The following IRAK2 variants were observed in gnomAD, a reference collection of about 807,000 sequenced individuals.
IRAK2 encodes interleukin 1 receptor associated kinase 2.
A neutral mutation model predicts 72.0 loss-of-function variants in IRAK2; 57 were observed. The observed-to-expected ratio is 0.79, with a 90% CI of 0.64 to 0.99. The LOEUF (loss-of-function observed/expected upper bound fraction) is 0.99, where lower values mean the gene tolerates loss of function less well. IRAK2 is among the 50% of genes least tolerant of loss of function. The probability of loss-of-function intolerance (pLI) is 0.00; values close to 1 mark genes in which losing one functional copy is unlikely to be tolerated. For synonymous variants in IRAK2, 293 were observed against 312.7 expected, an observed-to-expected ratio of 0.94 and a Z score of 0.67; for missense variants, 790 against 794.4, an observed-to-expected ratio of 0.99 and a Z score of 0.07.
At chr3:10,185,480 C>A (rs1255289518) in intron 2 of IRAK2, among the ~76,000 whole-genome samples, 1 of 147,208 alleles carries the variant, frequency 6.8e-6, no homozygotes, top group Non-Finnish European at 1.5e-5. Context: ...ATCGCTTGAA[C>A]CTGGGAAGCA....
intron 3 of IRAK2, among the ~76,000 whole-genome samples, chr3:10,202,533 G>C (rs1046961722): frequency 1.3e-5 from 2 of 152,214 alleles, no homozygotes; most frequent in African/African-American, 4.8e-5. Flanking sequence ...TGAGGCAGGA[G>C]AATCACTCAA....
At chr3:10,239,677 A>C (rs991197709) in intron 12 of IRAK2, among the ~76,000 whole-genome samples, 1 of 151,702 alleles carries the variant, frequency 6.6e-6, no homozygotes, top group East Asian at 1.9e-4. Context: ...CAGTGAGCCA[A>C]GATTGTGCCA....
chr3:10,241,736 A>C (rs1342618842), intron 12 of IRAK2, among the ~76,000 whole-genome samples: 1 of 148,046 alleles, frequency 6.8e-6, no homozygotes, highest in Non-Finnish European at 1.5e-5. Flanking sequence ...CCCCTTCTCT[A>C]CTAAAACACA....
At position 10,213,285 on chromosome 3, in the gene IRAK2, G is replaced by T; in HGVS notation, c.607G>T (p.Val203Leu). 1.2e-6 allele frequency: 2 copies of T among 1,614,128 alleles called. No homozygotes were observed. Among genetic ancestry groups the T allele is most frequent in the Non-Finnish European group, 1.7e-6 (2 of 1,180,008 alleles). Reference protein sequence around the residue: ...GDSLFWSEADVVQATDDFNQN... With the variant: ...GDSLFWSEADLVQATDDFNQN... ...CAGCCTTTTCTGGAGTGAGGCAGAC[G>T]TGGTCCAGGCAACCGATGACTTCAA... The change falls in exon 5 of 13, where the codon GTG (valine) becomes TTG (leucine). Residue 203 changes from valine to leucine, a missense_variant. Transcript: ENST00000256458.
intron 9 of IRAK2, 152 bp from the exon 10 acceptor site, chr3:10,226,219 T>A: frequency 1.8e-6 from 1 of 565,662 alleles, no homozygotes. Context: ...TGTTTAGTGA[T>A]ATTCCCATGT....
intron 9 of IRAK2, among the ~76,000 whole-genome samples, chr3:10,225,900 T>C (rs1422032089): frequency 6.6e-6 from 1 of 152,012 alleles, no homozygotes; most frequent in Non-Finnish European, 1.5e-5. Context: ...GGGGTTTCGC[T>C]GTGTTAGCCA....
intron 12 of IRAK2, among the ~76,000 whole-genome samples, chr3:10,239,509 GATCACCT>G (rs771162018): frequency 2.7e-5 from 1 of 37,106 alleles, no homozygotes. Context: ...ACCCTGGCCA[GATCACCT>G]GAGATCGAGA....
chr3:10,237,317 T>C (rs1290142252), intron 11 of IRAK2, among the ~76,000 whole-genome samples: 1 of 152,176 alleles, frequency 6.6e-6, no homozygotes, highest in African/African-American at 2.4e-5. Context: ...GAGATGGCCT[T>C]AGCTCTTAGT....
chr3:10,213,020 G>A (rs1018209358), intron 4 of IRAK2, among the ~76,000 whole-genome samples, 187 bp from the exon 5 acceptor site: 2 of 151,652 alleles, frequency 1.3e-5, no homozygotes, highest in Non-Finnish European at 2.9e-5. Flanking sequence ...CGCCCGCCTC[G>A]GCCTCCCAAA....
At chr3:10,191,251 C>T (rs368367499) in intron 2 of IRAK2, among the ~76,000 whole-genome samples, 14 of 151,602 alleles carry the variant, frequency 9.2e-5, no homozygotes, top group Admixed American at 2.0e-4. Context: ...GCCGAGATCG[C>T]GCCACTGCAC....
intron 12 of IRAK2, among the ~76,000 whole-genome samples, chr3:10,240,159 AAAG>A (rs1698029671): frequency 6.8e-6 from 1 of 146,942 alleles, no homozygotes; most frequent in Non-Finnish European, 1.5e-5. Flanking sequence ...AAAAAAAAAA[AAAG>A]AAGATACTTT....
intron 2 of IRAK2, among the ~76,000 whole-genome samples, chr3:10,181,522 C>T (rs1449270190): frequency 6.6e-6 from 1 of 152,068 alleles, no homozygotes; most frequent in African/African-American, 2.4e-5. Context: ...ATTGCTTGAA[C>T]CTGGGAGGCG....
intron 12 of IRAK2, 130 bp from the exon 13 acceptor site, chr3:10,241,986 G>GAAAAAAAAAAAAAAGA (rs56369677): frequency 3.0e-5 from 11 of 365,604 alleles, no homozygotes; most frequent in Middle Eastern, 1.6e-3. Flanking sequence ...AAAAAAAAAA[G>GAAAAAAAAAAAAAAGA]AAAAAAAAAA....
At chr3:10,210,048 T>C (rs1241432267) in intron 4 of IRAK2, among the ~76,000 whole-genome samples, 1 of 152,094 alleles carries the variant, frequency 6.6e-6, no homozygotes, top group Non-Finnish European at 1.5e-5. Flanking sequence ...GCCTCCCAAG[T>C]AGCTGGGATT....
intron 12 of IRAK2, among the ~76,000 whole-genome samples, chr3:10,241,896 CTG>C (rs2125167453): frequency 6.7e-6 from 1 of 148,736 alleles, no homozygotes; most frequent in African/African-American, 2.5e-5. Context: ...TCACCTGAAC[CTG>C]TGAGGTCAAG....
intron 1 of IRAK2, among the ~76,000 whole-genome samples, chr3:10,169,705 A>G (rs1000413057): frequency 1.3e-5 from 2 of 152,118 alleles, no homozygotes; most frequent in South Asian, 2.1e-4. Context: ...CAGATTTCAT[A>G]TTTTTCAAAC....
chr3:10,206,586 C>T (rs358850), intron 3 of IRAK2, among the ~76,000 whole-genome samples: 9,827 of 152,282 alleles, frequency 0.065, 491 homozygotes, highest in East Asian at 0.19. Flanking sequence ...GACTGAGTCT[C>T]GCTCTGTTGC....
At position 10,242,372 on chromosome 3, in the gene IRAK2, T is replaced by C; in HGVS notation, c.*144T>C. On this transcript the variant is annotated 3_prime_UTR_variant, in exon 13 of 13. Transcript: ENST00000256458. ...TCCTGGGTGGGAGGGAAACTTCATTTCACTGGAATGAGTTGGGAGAGAAAG... is the reference window on the plus strand; with the variant it reads ...TCCTGGGTGGGAGGGAAACTTCATTCCACTGGAATGAGTTGGGAGAGAAAG... The C allele has an allele frequency of 2.0e-6, 1 of 504,776 alleles. No individual in the cohort carries two copies. Among genetic ancestry groups the C allele is most frequent in the Non-Finnish European group, 3.5e-6 (1 of 283,212 alleles). The allele number at this position is 504,776 out of a possible 1,614,324, so 31.3% of individuals were successfully genotyped here. A position where few individuals can be genotyped will look rare whatever the true frequency, so the allele number is the denominator to read the frequency against.
intron 6 of IRAK2, among the ~76,000 whole-genome samples, chr3:10,214,049 C>G (rs755145553): frequency 6.6e-6 from 1 of 152,022 alleles, no homozygotes; most frequent in African/African-American, 2.4e-5. Context: ...GTGCCTTAGC[C>G]TCCCGAGTAG....
Sources: gnomAD v4.1 joint callset for allele counts (sites outside exome capture counted in the v4.1 genomes callset) on GRCh38, gnomAD v4.1.1 for gene constraint, MANE v1.5 for transcripts, NCBI Gene and HGNC (gene_info 2026-07-23, HGNC 2026-07-21) for gene names.